The following DGKB variants were observed in gnomAD, a reference collection of about 807,000 sequenced individuals.
The protein encoded by DGKB is diacylglycerol kinase beta.
In DGKB, 67 loss-of-function variants were observed where a neutral mutation model predicts 114.3. The observed-to-expected ratio is 0.59, with a 90% CI of 0.48 to 0.72. The LOEUF is 0.72. Ranked by LOEUF, DGKB falls within the 30% of genes least tolerant of loss-of-function variation. The probability of loss-of-function intolerance (pLI) is 0.00; values close to 1 mark genes in which losing one functional copy is unlikely to be tolerated. For synonymous variants in DGKB, 398 were observed against 323.1 expected, an observed-to-expected ratio of 1.23 and a Z score of -2.49; for missense variants, 907 against 975.2, an observed-to-expected ratio of 0.93 and a Z score of 0.93.
intron 23 of DGKB, among the ~76,000 whole-genome samples, chr7:14,213,976 C>A (rs1289360119): frequency 1.3e-5 from 2 of 151,884 alleles, no homozygotes; most frequent in Non-Finnish European, 2.9e-5. Context: ...GTTGCGTTCT[C>A]TCTCTTTCCT....
chr7:14,288,020 A>G (rs535545932), intron 23 of DGKB, among the ~76,000 whole-genome samples: 2 of 152,260 alleles, frequency 1.3e-5, no homozygotes, highest in Admixed American at 6.5e-5. Context: ...TGCTTCAGGA[A>G]TAGTGCAAGG....
chr7:14,825,909 A>G (rs1845644927), intron 2 of DGKB, among the ~76,000 whole-genome samples: 1 of 152,196 alleles, frequency 6.6e-6, no homozygotes, highest in Non-Finnish European at 1.5e-5. Flanking sequence ...TTGAAGGAAC[A>G]CAAACACGGA....
chr7:14,294,067 C>G (rs1037859910), intron 23 of DGKB, among the ~76,000 whole-genome samples: 11 of 152,112 alleles, frequency 7.2e-5, no homozygotes, highest in African/African-American at 2.7e-4. Flanking sequence ...ATGGAATAAT[C>G]CATTCCTTTG....
chr7:14,370,329 C>G (rs754543396), intron 21 of DGKB, among the ~76,000 whole-genome samples: 2 of 151,804 alleles, frequency 1.3e-5, no homozygotes, highest in African/African-American at 2.4e-5. Flanking sequence ...GTTACTGTAG[C>G]CTTGTAGTAT....
intron 21 of DGKB, among the ~76,000 whole-genome samples, chr7:14,442,390 A>G (rs908674212): frequency 6.6e-6 from 1 of 151,918 alleles, no homozygotes. Context: ...ATTCTTCATG[A>G]TCACTTTTGT....
chr7:14,307,122 T>C (rs1041144464), intron 23 of DGKB, among the ~76,000 whole-genome samples: 1 of 124,884 alleles, frequency 8.0e-6, no homozygotes, highest in Non-Finnish European at 1.8e-5. Flanking sequence ...CCACATTTCT[T>C]GGCATATAAT....
intron 20 of DGKB, among the ~76,000 whole-genome samples, chr7:14,552,907 A>G (rs1795308992): frequency 6.6e-6 from 1 of 152,234 alleles, no homozygotes; most frequent in African/African-American, 2.4e-5. Context: ...TGGACCGGGA[A>G]AGCCACAGCT....
At chr7:14,769,128 AGAG>A (rs1836955059) in intron 2 of DGKB, among the ~76,000 whole-genome samples, 5 of 87,280 alleles carry the variant, frequency 5.7e-5, no homozygotes, top group South Asian at 3.3e-4. Context: ...AAAGAAAGAG[AGAG>A]AGAGAAAGAA....
At chr7:14,246,871 T>C (rs1453920444) in intron 23 of DGKB, among the ~76,000 whole-genome samples, 2 of 152,296 alleles carry the variant, frequency 1.3e-5, no homozygotes, top group Non-Finnish European at 2.9e-5. Context: ...TTATTAACTA[T>C]ACTGCTGTAT....
intron 21 of DGKB, among the ~76,000 whole-genome samples, chr7:14,455,400 A>G (rs1832131740): frequency 6.6e-6 from 1 of 151,978 alleles, no homozygotes; most frequent in Non-Finnish European, 1.5e-5. Flanking sequence ...CAGATGTGGC[A>G]TTTTTGCATA....
intron 5 of DGKB, among the ~76,000 whole-genome samples, chr7:14,719,338 TCTGTGTCTG>T (rs1828764357): frequency 6.6e-6 from 1 of 152,210 alleles, no homozygotes; most frequent in African/African-American, 2.4e-5. Flanking sequence ...AAACCCATTA[TCTGTGTCTG>T]TTCTATCACA....
intron 23 of DGKB, among the ~76,000 whole-genome samples, chr7:14,316,048 A>G (rs1806433191): frequency 6.6e-6 from 1 of 150,820 alleles, no homozygotes; most frequent in African/African-American, 2.5e-5. Context: ...GTACATAACG[A>G]AATGAAGGCA....
chr7:14,936,592 G>A (rs1239267131), intron 1 of DGKB, among the ~76,000 whole-genome samples: 2 of 152,132 alleles, frequency 1.3e-5, no homozygotes, highest in Non-Finnish European at 2.9e-5. Context: ...AGCAGGAAAG[G>A]AAGGAAAAAG....
chr7:14,316,617 G>A (rs1171239243), intron 23 of DGKB, among the ~76,000 whole-genome samples: 1 of 128,780 alleles, frequency 7.8e-6, no homozygotes, highest in Non-Finnish European at 1.6e-5. Context: ...ACCAATAACA[G>A]GATCTGAAAT....
intron 2 of DGKB, among the ~76,000 whole-genome samples, chr7:14,768,990 A>T: frequency 6.6e-6 from 1 of 151,756 alleles, no homozygotes; most frequent in Non-Finnish European, 1.5e-5. Context: ...GAGATGATTT[A>T]TGATGTATCT....
chr7:14,289,220 T>C (rs998340846), intron 23 of DGKB, among the ~76,000 whole-genome samples: 15 of 152,126 alleles, frequency 9.9e-5, no homozygotes, highest in African/African-American at 3.4e-4. Flanking sequence ...TGACTCGTGC[T>C]TGAAAAAAAC....
chr7:14,845,894 T>G (rs1423255593), intron 1 of DGKB, among the ~76,000 whole-genome samples: 1 of 152,108 alleles, frequency 6.6e-6, no homozygotes, highest in Non-Finnish European at 1.5e-5. Flanking sequence ...GTGGCATTAT[T>G]TCACACATTT....
intron 1 of DGKB, among the ~76,000 whole-genome samples, chr7:14,923,315 T>G (rs1784599516): frequency 6.6e-6 from 1 of 152,164 alleles, no homozygotes; most frequent in Non-Finnish European, 1.5e-5. Context: ...CTATTGCACT[T>G]TTGTTCTTTT....
At chr7:14,416,338 A>T (rs1044808712) in intron 21 of DGKB, among the ~76,000 whole-genome samples, 1 of 152,098 alleles carries the variant, frequency 6.6e-6, no homozygotes, top group African/African-American at 2.4e-5. Flanking sequence ...TTGGAAGGTA[A>T]GAGGATGTCC....
Sources: gnomAD v4.1 joint callset for allele counts (sites outside exome capture counted in the v4.1 genomes callset) on GRCh38, gnomAD v4.1.1 for gene constraint, MANE v1.5 for transcripts, NCBI Gene and HGNC (gene_info 2026-07-23, HGNC 2026-07-21) for gene names.